The following NEK1 variants were observed in gnomAD, a reference collection of about 807,000 sequenced individuals.
NEK1 encodes NIMA related kinase 1.
Under a neutral mutation model 182.1 loss-of-function variants are expected in NEK1, and 137 were observed. The ratio of observed to expected loss-of-function variants is 0.75; its 90% CI spans 0.65 to 0.87. The LOEUF (loss-of-function observed/expected upper bound fraction) is 0.87. Ranked by LOEUF, NEK1 falls within the 40% of genes least tolerant of loss-of-function variation. NEK1 has a pLI of 0.00. For missense variants in NEK1, 1,391 were observed against 1,494.4 expected, an observed-to-expected ratio of 0.93 and a Z score of 1.14; for synonymous variants, 513 against 492.2, an observed-to-expected ratio of 1.04 and a Z score of -0.56.
intron 11 of NEK1, among the ~76,000 whole-genome samples, chr4:169,577,676 C>G (rs1368682985): frequency 1.3e-5 from 2 of 151,992 alleles, no homozygotes; most frequent in African/African-American, 4.8e-5. Context: ...ATGGCGTGAA[C>G]CCAGGAGGTG....
chr4:169,560,356 G>C (rs1213094442), intron 16 of NEK1, among the ~76,000 whole-genome samples: 2 of 152,176 alleles, frequency 1.3e-5, no homozygotes, highest in Admixed American at 6.5e-5. Flanking sequence ...TACTTGTAGA[G>C]GTCATCTCTA....
intron 30 of NEK1, among the ~76,000 whole-genome samples, chr4:169,425,879 A>T (rs1268417813): frequency 6.6e-6 from 1 of 152,184 alleles, no homozygotes; most frequent in African/African-American, 2.4e-5. Flanking sequence ...TAATGTCCTT[A>T]GTACACTGGC....
At chr4:169,549,352 G>A (rs1761059498) in intron 18 of NEK1, among the ~76,000 whole-genome samples, 1 of 152,176 alleles carries the variant, frequency 6.6e-6, no homozygotes, top group African/African-American at 2.4e-5. Context: ...GGAATCACAC[G>A]CCTTCTGTGC....
intron 23 of NEK1, among the ~76,000 whole-genome samples, chr4:169,496,415 C>T (rs1483277445): frequency 2.7e-5 from 4 of 150,862 alleles, no homozygotes; most frequent in South Asian, 2.1e-4. Context: ...TGCCTGATTG[C>T]CCTGGCCAGA....
At position 169,477,507 on chromosome 4, in the gene NEK1, C is replaced by T; in HGVS notation, c.2140-10G>A. 6.4e-7 allele frequency: 1 copy of T among 1,572,876 alleles called. No homozygotes were observed. The highest frequency in any genetic ancestry group is 8.7e-7 in the Non-Finnish European group (1 of 1,148,878). On this transcript the variant is annotated splice_polypyrimidine_tract_variant and intron_variant, in intron 24 of 35. Coordinates refer to ENST00000507142, the MANE Select transcript of NEK1 (RefSeq NM_001199397.3). ...CAGTTAAACTACTGTCCTTTAAATG[C>T]AGATAGATACAGAGGAAGAGATAAT...
chr4:169,404,926 T>C (rs1411151438), intron 32 of NEK1, among the ~76,000 whole-genome samples: 1 of 152,184 alleles, frequency 6.6e-6, no homozygotes, highest in African/African-American at 2.4e-5. Flanking sequence ...AAAGCAATTT[T>C]GTGAAAACAA....
At chr4:169,609,358 T>C (rs889630495) in intron 2 of NEK1, among the ~76,000 whole-genome samples, 12 of 152,202 alleles carry the variant, frequency 7.9e-5, no homozygotes, top group African/African-American at 2.2e-4. Flanking sequence ...CAATTTACCC[T>C]ACAAATATTT....
intron 31 of NEK1, among the ~76,000 whole-genome samples, chr4:169,414,918 C>T (rs1054402376): frequency 6.6e-6 from 1 of 152,136 alleles, no homozygotes; most frequent in Admixed American, 6.5e-5. Context: ...GCTCTGTAAC[C>T]TACTTTAACA....
intron 23 of NEK1, among the ~76,000 whole-genome samples, chr4:169,491,275 A>G (rs968310338): frequency 3.3e-5 from 5 of 152,074 alleles, no homozygotes; most frequent in African/African-American, 1.2e-4. Flanking sequence ...AAACTAACAA[A>G]CAGGTTCAAT....
At chr4:169,508,183 C>A in intron 21 of NEK1, 65 bp downstream of exon 21, 2 of 1,361,498 alleles carry the variant, frequency 1.5e-6, no homozygotes, top group Admixed American at 2.6e-5. Flanking sequence ...AATGGCACAG[C>A]ATTTTAAATG....
chr4:169,570,796 A>C (rs147011826), intron 12 of NEK1, among the ~76,000 whole-genome samples: 3 of 152,234 alleles, frequency 2.0e-5, no homozygotes, highest in Non-Finnish European at 2.9e-5. Flanking sequence ...TGTAGAAAGA[A>C]GTAGACATGG....
intron 26 of NEK1, among the ~76,000 whole-genome samples, chr4:169,472,040 TG>T (rs1324852962): frequency 6.6e-6 from 1 of 152,174 alleles, no homozygotes; most frequent in East Asian, 1.9e-4. Flanking sequence ...GATCTTAGCT[TG>T]TGGGGCTCCG....
chr4:169,610,695 A>G (rs1772174239), intron 2 of NEK1, among the ~76,000 whole-genome samples: 1 of 152,260 alleles, frequency 6.6e-6, no homozygotes, highest in South Asian at 2.1e-4. Flanking sequence ...ATTTTAGAGT[A>G]TATGAATGGA....
chr4:169,510,214 G>A (rs894083651), intron 19 of NEK1, among the ~76,000 whole-genome samples: 1 of 151,984 alleles, frequency 6.6e-6, no homozygotes, highest in Non-Finnish European at 1.5e-5. Context: ...TTTAACATAT[G>A]CTGCCAATTC....
At chr4:169,570,468 CCCCCGCCCGGCCAGCCG>C (rs1764584630) in intron 12 of NEK1, among the ~76,000 whole-genome samples, 1 of 150,238 alleles carries the variant, frequency 6.7e-6, no homozygotes, top group South Asian at 2.1e-4. Context: ...GGGGATCAGC[CCCCCGCCCGGCCAGCCG>C]CCCCGTCCGG....
rs1297408857 is a variant in NEK1, at chr4:169,499,711, A to G, written c.2007+7326T>C. Among the ~76,000 whole-genome samples the G allele has an allele frequency of 3.9e-5, 6 of 152,192 alleles. No individual in the cohort carries two copies. In the East Asian group the frequency reaches 1.2e-3, roughly 29 times the overall value. The stretch of plus-strand genomic sequence containing the variant: ...GTATCAGCAGCGGAGGCTGCAGAAC[A>G]GTGGATATTGGTGAACAGCAAATGT... On this transcript the variant is annotated intron_variant, in intron 23 of 35. Transcript: ENST00000507142.
intron 4 of NEK1, 127 bp from the exon 5 acceptor site, chr4:169,599,324 T>C (rs1770088680): frequency 1.6e-6 from 1 of 620,250 alleles, no homozygotes; most frequent in African/African-American, 1.8e-5. Flanking sequence ...CTCAAAAGAA[T>C]TAGGGCACAA....
intron 18 of NEK1, among the ~76,000 whole-genome samples, chr4:169,548,002 T>G (rs1760805716): frequency 6.6e-6 from 1 of 152,202 alleles, no homozygotes; most frequent in African/African-American, 2.4e-5. Flanking sequence ...TCTGTCCAGT[T>G]TTGTTCCCTT....
chr4:169,568,711 G>A (rs1764116586), intron 12 of NEK1, among the ~76,000 whole-genome samples: 1 of 152,070 alleles, frequency 6.6e-6, no homozygotes, highest in Non-Finnish European at 1.5e-5. Flanking sequence ...AGGCCGGGTG[G>A]ATCACTTGAG....
Sources: gnomAD v4.1 joint callset for allele counts (sites outside exome capture counted in the v4.1 genomes callset) on GRCh38, gnomAD v4.1.1 for gene constraint, MANE v1.5 for transcripts, NCBI Gene and HGNC (gene_info 2026-07-23, HGNC 2026-07-21) for gene names.